Variants in TAFA1 observed in about 807,000 individuals in gnomAD.
The protein encoded by TAFA1 is chemokine-like protein TAFA-1.
A neutral mutation model predicts 18.5 loss-of-function variants in TAFA1; 4 were observed. The ratio of observed to expected loss-of-function variants is 0.22; its 90% CI spans 0.11 to 0.49. The LOEUF (loss-of-function observed/expected upper bound fraction) is 0.49. Ranked by LOEUF, TAFA1 falls within the 20% of genes least tolerant of loss-of-function variation. TAFA1 has a pLI of 0.98. For missense variants in TAFA1, 147 were observed against 169.0 expected (o/e 0.87, Z 0.72); for synonymous variants, 56 against 55.2 (o/e 1.01, Z -0.06).
intron 3 of TAFA1, among the ~76,000 whole-genome samples, chr3:68,515,993 C>A (rs920737902): frequency 2.0e-5 from 3 of 152,198 alleles, no homozygotes; most frequent in Non-Finnish European, 2.9e-5. Flanking sequence ...CCCTTACTTC[C>A]CAAATGCAAT....
chr3:68,109,030 C>G (rs1362822873), intron 2 of TAFA1, among the ~76,000 whole-genome samples: 3 of 151,904 alleles, frequency 2.0e-5, no homozygotes, highest in African/African-American at 2.4e-5. Context: ...CTCAAGGATG[C>G]ATATAATGAA....
Position 68,014,664 on chromosome 3 carries a change from C to A in TAFA1, c.118+7920C>A, listed in dbSNP as rs542381962. 6.6e-4 allele frequency among the ~76,000 whole-genome samples: 101 copies of A among 152,306 alleles called. No homozygotes were observed. The South Asian group carries it at 0.021, about 31-fold the overall frequency. On this transcript the variant is annotated intron_variant, in intron 2 of 4. Transcript: ENST00000478136. ...ACTACCCAAGGAACTGGTTTATTAA[C>A]TTTATCTATTTGACATAGCAGGATT...
intron 2 of TAFA1, among the ~76,000 whole-genome samples, chr3:68,039,265 C>T (rs565626636): frequency 6.6e-6 from 1 of 152,198 alleles, no homozygotes; most frequent in East Asian, 1.9e-4. Flanking sequence ...TGATTTTACT[C>T]ATATTAATAT....
rs10610707 is a variant in TAFA1 at position 68,021,185 on chromosome 3, C to CAAAAAAAAAAAAAAAAAAAAAAA, written c.118+14446_118+14468dup. Among the ~76,000 whole-genome samples, 2 of 56,092 alleles carry CAAAAAAAAAAAAAAAAAAAAAAA rather than the reference C, an allele frequency of 3.6e-5. 1 individual carries two copies. Among genetic ancestry groups the CAAAAAAAAAAAAAAAAAAAAAAA allele is most frequent in the Non-Finnish European group, 6.3e-5 (2 of 31,588 alleles). The allele number at this position is 56,092 out of a possible 152,430, so 36.8% of individuals were successfully genotyped here. A position where few individuals can be genotyped will look rare whatever the true frequency, so the allele number is the denominator to read the frequency against. ...TAGTCAACAGAACAAGACCCTGTCT[C>CAAAAAAAAAAAAAAAAAAAAAAA]AAAAAAAAAAAAAAAAAAAAAAAAA... On this transcript the variant is annotated intron_variant, in intron 2 of 4. Transcript: ENST00000478136.
chr3:68,165,418 T>C (rs1426539050), intron 2 of TAFA1, among the ~76,000 whole-genome samples: 1 of 152,186 alleles, frequency 6.6e-6, no homozygotes, highest in Non-Finnish European at 1.5e-5. Flanking sequence ...TCAGGAGAAA[T>C]AATTGTCTAA....
chr3:68,120,779 A>T (rs945558387), intron 2 of TAFA1, among the ~76,000 whole-genome samples: 3 of 152,214 alleles, frequency 2.0e-5, no homozygotes, highest in African/African-American at 7.2e-5. Context: ...GATCGTTATT[A>T]GAAACCTATG....
chr3:68,455,150 G>T (rs962373087), intron 3 of TAFA1, among the ~76,000 whole-genome samples: 1 of 151,982 alleles, frequency 6.6e-6, no homozygotes, highest in Non-Finnish European at 1.5e-5. Flanking sequence ...TATTCCTTAA[G>T]TGGAAATGGA....
intron 2 of TAFA1, among the ~76,000 whole-genome samples, chr3:68,248,606 T>C (rs191892242): frequency 5.3e-5 from 8 of 151,908 alleles, no homozygotes; most frequent in African/African-American, 1.9e-4. Context: ...AGAATGACTC[T>C]GTATGGCAGA....
intron 2 of TAFA1, among the ~76,000 whole-genome samples, chr3:68,141,009 A>G (rs1393065107): frequency 6.6e-6 from 1 of 152,208 alleles, no homozygotes. Flanking sequence ...AGAGAATGAC[A>G]TGGCAGAAAT....
chr3:68,301,284 C>T (rs2068299299), intron 2 of TAFA1, among the ~76,000 whole-genome samples: 1 of 152,096 alleles, frequency 6.6e-6, no homozygotes, highest in Non-Finnish European at 1.5e-5. Flanking sequence ...TAAAAGTTAT[C>T]TCACTACATA....
intron 2 of TAFA1, among the ~76,000 whole-genome samples, chr3:68,293,852 G>C (rs965872100): frequency 3.3e-5 from 5 of 152,154 alleles, no homozygotes; most frequent in African/African-American, 1.2e-4. Context: ...CCCACTGAGG[G>C]ACTGCTCCGT....
chr3:68,541,342 T>C (rs1307780161), intron 4 of TAFA1, among the ~76,000 whole-genome samples: 1 of 152,208 alleles, frequency 6.6e-6, no homozygotes, highest in Non-Finnish European at 1.5e-5. Context: ...ATGATGTATA[T>C]AGGAACCATC....
chr3:68,489,005 A>G (rs2072402148), intron 3 of TAFA1, among the ~76,000 whole-genome samples: 1 of 152,216 alleles, frequency 6.6e-6, no homozygotes, highest in African/African-American at 2.4e-5. Context: ...TCAGAATCTC[A>G]TTTAATCCTG....
chr3:68,451,955 G>A lies in TAFA1; in HGVS notation c.259+34535G>A, dbSNP rs573549651. On this transcript the variant is annotated intron_variant, in intron 3 of 4. Transcript: ENST00000478136. The stretch of plus-strand genomic sequence containing the variant: ...GCTGTTCTGCATGGAGGTTTTCCTG[G>A]ACACTGTGATGACAGGATGGAACCG... Among the ~76,000 whole-genome samples the A allele has an allele frequency of 2.0e-5, 3 of 152,278 alleles. No individual in the cohort carries two copies. The South Asian group carries it at 6.2e-4, about 32-fold the overall frequency.
chr3:68,130,637 G>A (rs532617929), intron 2 of TAFA1, among the ~76,000 whole-genome samples: 51 of 152,236 alleles, frequency 3.4e-4, no homozygotes, highest in African/African-American at 1.2e-3. Flanking sequence ...CTTTCTGTCT[G>A]GTTCTTTTCC....
rs929413350 is a variant in TAFA1 at position 68,025,255 on chromosome 3, T to C, written c.118+18511T>C. On this transcript the variant is annotated intron_variant, in intron 2 of 4. Transcript: ENST00000478136. ...TTCTCAGATTTTACATTAAATTTAT[T>C]GGAAAAGCTATCTTTCTCTAACTTC... Among the ~76,000 whole-genome samples, 3 of 152,142 alleles carry C rather than the reference T, an allele frequency of 2.0e-5. No individual in the cohort carries two copies. The East Asian group carries it at 5.8e-4, about 29-fold the overall frequency.
intron 2 of TAFA1, among the ~76,000 whole-genome samples, chr3:68,388,261 A>C (rs1014893832): frequency 3.3e-5 from 5 of 152,294 alleles, no homozygotes; most frequent in South Asian, 2.1e-4. Flanking sequence ...CTATATGTTT[A>C]TAAAAAGGTA....
In TAFA1 at chr3:68,479,358, A is replaced by G. The variant is rs141869499; in HGVS notation, c.260-59398A>G. On this transcript the variant is annotated intron_variant, in intron 3 of 4. Transcript: ENST00000478136. ...ATACACATATTTCCACTCTGTATAA[A>G]TAACAGCTTTAGACATTGTTTACAT... 3.2e-3 allele frequency among the ~76,000 whole-genome samples: 487 copies of G among 151,940 alleles called. 4 individuals carry two copies. Among genetic ancestry groups the G allele is most frequent in the African/African-American group, 0.011 (455 of 41,420 alleles).
rs574571436 is a variant in TAFA1, at chr3:68,084,505, A to C, written c.118+77761A>C. Among the ~76,000 whole-genome samples the C allele has an allele frequency of 8.5e-5, 13 of 152,316 alleles. No homozygotes were observed. The East Asian group carries it at 2.5e-3, about 29-fold the overall frequency. On this transcript the variant is annotated intron_variant, in intron 2 of 4. Transcript: ENST00000478136. ...ACTCTTAGTCTTGTTTCCTTTAAAA[A>C]ATTAGTCCCCGGCTGGACATGGTGG...
Sources: gnomAD v4.1 joint callset for allele counts (sites outside exome capture counted in the v4.1 genomes callset) on GRCh38, gnomAD v4.1.1 for gene constraint, MANE v1.5 for transcripts, NCBI Gene and HGNC (gene_info 2026-07-23, HGNC 2026-07-21) for gene names.